The following IL1RAP variants were observed in gnomAD, a reference collection of about 807,000 sequenced individuals.
IL1RAP encodes interleukin-1 receptor accessory protein.
Under a neutral mutation model 60.7 loss-of-function variants are expected in IL1RAP, and 35 were observed. That is an observed-to-expected ratio of 0.58 (90% CI 0.44 to 0.76). The LOEUF (loss-of-function observed/expected upper bound fraction) is 0.76. Ranked by LOEUF, IL1RAP falls within the 30% of genes least tolerant of loss-of-function variation. IL1RAP has a pLI of 0.00. For missense variants in IL1RAP, 572 were observed against 693.9 expected (o/e 0.82, Z 1.97); for synonymous variants, 268 against 250.9 (o/e 1.07, Z -0.64).
intron 3 of IL1RAP, among the ~76,000 whole-genome samples, chr3:190,596,248 A>G (rs761787015): frequency 6.6e-6 from 1 of 152,206 alleles, no homozygotes; most frequent in Non-Finnish European, 1.5e-5. Flanking sequence ...CTCAATAAAT[A>G]TTTAATGAAT....
intron 3 of IL1RAP, among the ~76,000 whole-genome samples, chr3:190,587,676 C>T (rs1216974818): frequency 6.6e-6 from 1 of 152,194 alleles, no homozygotes; most frequent in Non-Finnish European, 1.5e-5. Context: ...GAAAAGAAAA[C>T]ATGGTTTGAG....
At chr3:190,639,902 G>A (rs1014449518) in intron 9 of IL1RAP, among the ~76,000 whole-genome samples, 2 of 150,064 alleles carry the variant, frequency 1.3e-5, no homozygotes, top group Admixed American at 6.6e-5. Flanking sequence ...GCTAAACACA[G>A]TCTCTTCACT....
chr3:190,616,122 G>C (rs565588532), intron 5 of IL1RAP, among the ~76,000 whole-genome samples: 1 of 152,236 alleles, frequency 6.6e-6, no homozygotes, highest in African/African-American at 2.4e-5. Context: ...CAAGATTCAT[G>C]ACTTAAACAC....
intron 11 of IL1RAP, 62 bp from the exon 12 acceptor site, chr3:190,648,276 G>C: frequency 6.6e-7 from 1 of 1,521,798 alleles, no homozygotes; most frequent in Non-Finnish European, 8.8e-7. Flanking sequence ...TGCTCCTCAA[G>C]CCTCAATGCT....
intron 10 of IL1RAP, among the ~76,000 whole-genome samples, chr3:190,645,053 A>G (rs1282277508): frequency 6.6e-6 from 1 of 152,194 alleles, no homozygotes. Flanking sequence ...TTCCCAAGTG[A>G]TTCATGTGTA....
intron 1 of IL1RAP, among the ~76,000 whole-genome samples, chr3:190,555,012 C>T (rs1168808487): frequency 6.6e-6 from 1 of 152,168 alleles, no homozygotes; most frequent in East Asian, 1.9e-4. Flanking sequence ...AAATGCCTTT[C>T]TCTCGAGAGT....
intron 1 of IL1RAP, among the ~76,000 whole-genome samples, chr3:190,550,122 T>C (rs1724742378): frequency 2.0e-5 from 3 of 152,188 alleles, no homozygotes; most frequent in African/African-American, 7.2e-5. Flanking sequence ...GCTTAGAGAA[T>C]AGGAAGTATC....
Position 190,650,603 on chromosome 3 carries a change from C to A in IL1RAP, c.*1898C>A. 10 of 857,052 alleles carry A rather than the reference C, an allele frequency of 1.2e-5. 1 individual carries two copies. Among genetic ancestry groups the A allele is most frequent in the Non-Finnish European group, 1.4e-5 (10 of 713,124 alleles). The allele number at this position is 857,052 out of a possible 1,614,324, so 53.1% of individuals were successfully genotyped here. A position where few individuals can be genotyped will look rare whatever the true frequency, so the allele number is the denominator to read the frequency against. ...TAAAATTATATCCTATATTTAAGTACCCATAATAAATCATTTCCCTCTATA... is the reference window on the plus strand; with the variant it reads ...TAAAATTATATCCTATATTTAAGTAACCATAATAAATCATTTCCCTCTATA... On this transcript the variant is annotated 3_prime_UTR_variant, in exon 12 of 12. Transcript: ENST00000447382.
At chr3:190,610,349 A>G (rs1357078128) in intron 5 of IL1RAP, among the ~76,000 whole-genome samples, 1 of 152,084 alleles carries the variant, frequency 6.6e-6, no homozygotes, top group African/African-American at 2.4e-5. Flanking sequence ...AATAATAAGA[A>G]TTAGAAATAT....
At chr3:190,528,825 G>A in intron 1 of IL1RAP, among the ~76,000 whole-genome samples, 1 of 152,236 alleles carries the variant, frequency 6.6e-6, no homozygotes, top group East Asian at 1.9e-4. Flanking sequence ...GAGTCTTGAA[G>A]TGATGGACAG....
chr3:190,571,891 G>A (rs1213215557), intron 3 of IL1RAP, among the ~76,000 whole-genome samples: 3 of 145,188 alleles, frequency 2.1e-5, no homozygotes, highest in African/African-American at 4.9e-5. Flanking sequence ...CTTATTTTAT[G>A]TGTGGCCCAA....
intron 2 of IL1RAP, among the ~76,000 whole-genome samples, chr3:190,563,240 A>G (rs1006635370): frequency 6.6e-6 from 1 of 152,190 alleles, no homozygotes; most frequent in African/African-American, 2.4e-5. Flanking sequence ...ATTTGAGATA[A>G]TAATCTTTGT....
chr3:190,572,990 A>C (rs1368347475), intron 3 of IL1RAP, among the ~76,000 whole-genome samples: 2 of 89,894 alleles, frequency 2.2e-5, no homozygotes, highest in African/African-American at 4.3e-5. Flanking sequence ...CAGCCTCCCG[A>C]GTAGCTGGGA....
At chr3:190,591,782 T>C (rs1400880142) in intron 3 of IL1RAP, among the ~76,000 whole-genome samples, 1 of 152,088 alleles carries the variant, frequency 6.6e-6, no homozygotes, top group East Asian at 1.9e-4. Flanking sequence ...ATCTTAATCA[T>C]GGATTAGAAA....
chr3:190,598,426 A>G (rs1029981803), intron 3 of IL1RAP, among the ~76,000 whole-genome samples: 4 of 152,152 alleles, frequency 2.6e-5, no homozygotes, highest in Non-Finnish European at 4.4e-5. Context: ...AATTTTTCTA[A>G]CAGAAAGTAG....
intron 9 of IL1RAP, among the ~76,000 whole-genome samples, chr3:190,640,312 CA>C (rs1263875791): frequency 2.0e-5 from 3 of 152,154 alleles, no homozygotes; most frequent in Non-Finnish European, 4.4e-5. Context: ...CAACTTTTTA[CA>C]AACTGTATTT....
At chr3:190,578,816 C>T (rs1056828469) in intron 3 of IL1RAP, among the ~76,000 whole-genome samples, 2 of 152,178 alleles carry the variant, frequency 1.3e-5, no homozygotes, top group Non-Finnish European at 2.9e-5. Context: ...TGGCAGCAGG[C>T]CAGAGAGCGT....
chr3:190,624,770 G>C (rs1732090398), intron 7 of IL1RAP: 1 of 177,736 alleles, frequency 5.6e-6, no homozygotes, highest in African/African-American at 2.4e-5. Flanking sequence ...ATATGTATCA[G>C]AGAATGAAAA....
At position 190,639,536 on chromosome 3, in the gene IL1RAP, C is replaced by T. The variant is rs1175378714; in HGVS notation, c.1052-4712C>T. On this transcript the variant is annotated intron_variant, in intron 9 of 11. Transcript: ENST00000447382. ...TGGTTTTAAAAAAATTGAACAAATA[C>T]ACATAGAATACTCATTTTTAGGTGT... is the stretch of plus-strand genomic sequence containing the variant. Among the ~76,000 whole-genome samples, 7 of 152,298 alleles carry T rather than the reference C, an allele frequency of 4.6e-5. No individual in the cohort carries two copies. The East Asian group carries it at 1.2e-3, about 25-fold the overall frequency.
Sources: allele counts gnomAD v4.1 joint callset (sites outside exome capture counted in the v4.1 genomes callset), GRCh38; gene constraint gnomAD v4.1.1; transcripts MANE v1.5; gene names NCBI Gene and HGNC (gene_info 2026-07-23, HGNC 2026-07-21).